The following FBXO25 variants were observed in gnomAD, a reference collection of about 807,000 sequenced individuals.
The protein encoded by FBXO25 is F-box protein 25, also known as F-box only protein 25.
FBXO25 carries 45 observed loss-of-function variants against 51.9 expected under a neutral mutation model. The observed-to-expected ratio is 0.87, with a 90% CI of 0.68 to 1.11. The LOEUF (loss-of-function observed/expected upper bound fraction) is 1.11, where lower values mean the gene tolerates loss of function less well. Ranked by LOEUF, FBXO25 falls within the 50% of genes most tolerant of loss-of-function variation. The pLI is 0.00. For missense variants in FBXO25, 507 were observed against 428.5 expected (o/e 1.18, Z -1.62); for synonymous variants, 199 against 151.0 (o/e 1.32, Z -2.33).
At chr8:422,616 C>T (rs1231060876) in intron 2 of FBXO25, among the ~76,000 whole-genome samples, 2 of 152,176 alleles carry the variant, frequency 1.3e-5, no homozygotes, top group Admixed American at 1.3e-4. Context: ...AACTTGGGGA[C>T]ACTGTGTGTT....
intron 5 of FBXO25, among the ~76,000 whole-genome samples, chr8:440,156 C>G (rs1798339274): frequency 6.6e-6 from 1 of 152,166 alleles, no homozygotes; most frequent in Non-Finnish European, 1.5e-5. Context: ...GGAATTCTGT[C>G]TCTTTCTTAT....
chr8:441,234 T>C (rs141789574), intron 5 of FBXO25, among the ~76,000 whole-genome samples: 383 of 152,316 alleles, frequency 2.5e-3, no homozygotes, highest in African/African-American at 8.9e-3. Flanking sequence ...CATCTGATCT[T>C]TCACAAACCT....
At chr8:431,259 G>C (rs975546361) in intron 2 of FBXO25, 82 bp from the exon 3 acceptor site, 1 of 702,678 alleles carries the variant, frequency 1.4e-6, no homozygotes, top group Non-Finnish European at 2.4e-6. Flanking sequence ...TCACTTTGAA[G>C]TATTTATATC....
rs1306292789 is a variant in FBXO25, at chr8:473,581, G to C, written c.*4777G>C. The C allele has an allele frequency of 1.3e-5, 2 of 152,140 alleles. No individual in the cohort carries two copies. Among genetic ancestry groups the C allele is most frequent in the Non-Finnish European group, 2.9e-5 (2 of 68,072 alleles). 9.4% of individuals were successfully genotyped at this position (152,140 alleles called of 1,614,324 possible). On this transcript the variant is annotated 3_prime_UTR_variant, in exon 10 of 10. Coordinates refer to ENST00000350302, the MANE Select transcript of FBXO25 (RefSeq NM_183420.2). ...GTCCTCTTCCTTCCAATCCTCACTG[G>C]CTCAAATCCACAGAGTGACAAAGAA...
intron 2 of FBXO25, chr8:420,265 A>G (rs537326327): frequency 2.6e-5 from 4 of 152,362 alleles, no homozygotes; most frequent in Admixed American, 6.5e-5. Flanking sequence ...CTAAGATGAA[A>G]GAACAATCAC....
chr8:459,803 T>G (rs908100281), intron 8 of FBXO25, among the ~76,000 whole-genome samples: 1 of 151,850 alleles, frequency 6.6e-6, no homozygotes, highest in Non-Finnish European at 1.5e-5. Context: ...AACCCCAATG[T>G]TGAGGGATAG....
intron 5 of FBXO25, among the ~76,000 whole-genome samples, chr8:442,611 A>G (rs1398643030): frequency 6.6e-6 from 1 of 152,092 alleles, no homozygotes; most frequent in Non-Finnish European, 1.5e-5. Context: ...CTGGGATTTC[A>G]GGCACCTGCC....
rs1002957698 is a variant in FBXO25 at position 471,800 on chromosome 8, C to T, written c.*2996C>T. On this transcript the variant is annotated 3_prime_UTR_variant, in exon 10 of 10. Coordinates refer to ENST00000350302, the MANE Select transcript of FBXO25 (RefSeq NM_183420.2). The stretch of plus-strand genomic sequence containing the variant: ...ACCGATTTGTAGCTGTCGTGGTTTA[C>T]TGCATGACGTACAGGCTCTCTGTAT... 8.5e-5 allele frequency: 13 copies of T among 152,232 alleles called. No homozygotes were observed. The highest frequency in any genetic ancestry group is 3.1e-4 in the African/African-American group (13 of 41,458). 9.4% of individuals were successfully genotyped at this position (152,232 alleles called of 1,614,324 possible).
At chr8:435,439 A>T in intron 4 of FBXO25, 176 bp from the exon 5 acceptor site, 1 of 811,552 alleles carries the variant, frequency 1.2e-6, no homozygotes, top group South Asian at 2.0e-5. Context: ...TAAACAGCTT[A>T]AATTATTAGC....
At chr8:464,569 C>A (rs1563100179) in intron 9 of FBXO25, among the ~76,000 whole-genome samples, 1 of 152,134 alleles carries the variant, frequency 6.6e-6, no homozygotes. Flanking sequence ...TTTGTGATTA[C>A]TTTTTTTGCT....
At chr8:458,318 A>G (rs1799585973) in intron 7 of FBXO25, 51 bp from the exon 8 acceptor site, 1 of 1,580,292 alleles carries the variant, frequency 6.3e-7, no homozygotes, top group East Asian at 2.2e-5. Context: ...TTACTGTGTG[A>G]ACAAACATTG....
At chr8:462,361 C>G (rs900707397) in intron 8 of FBXO25, among the ~76,000 whole-genome samples, 2 of 152,080 alleles carry the variant, frequency 1.3e-5, no homozygotes, top group African/African-American at 4.8e-5. Flanking sequence ...TGTAAGTGTT[C>G]TTTATCTATT....
At position 468,074 on chromosome 8, in the gene FBXO25, C is replaced by A. The variant is rs1800301991; in HGVS notation, c.988-641C>A. ...AGATCCAGCACTGACCCCAGAGCCT[C>A]TGGTCCCGTTTACCTGCGTTCCTCC... is the stretch of plus-strand genomic sequence containing the variant. On this transcript the variant is annotated intron_variant, in intron 9 of 9. Coordinates refer to ENST00000350302, the MANE Select transcript of FBXO25 (RefSeq NM_183420.2). 1.7e-5 allele frequency: 19 copies of A among 1,130,314 alleles called. No homozygotes were observed. The South Asian group carries it at 6.0e-4, about 36-fold the overall frequency. 70.0% of individuals were successfully genotyped at this position (1,130,314 alleles called of 1,614,324 possible). A position where few individuals can be genotyped will look rare whatever the true frequency, so the allele number is the denominator to read the frequency against.
chr8:443,355 T>G (rs1046110023), intron 5 of FBXO25, among the ~76,000 whole-genome samples: 1 of 150,680 alleles, frequency 6.6e-6, no homozygotes, highest in Non-Finnish European at 1.5e-5. Flanking sequence ...CTCACCATAT[T>G]TATCCTACCA....
rs1182403417 is a variant in FBXO25, at chr8:470,195, G to A, written c.*1391G>A. ...GGCTTTTTCATCACAACATATTGGG[G>A]TTCCTGAGTGTCTCGCCGTTAGCAT... On this transcript the variant is annotated 3_prime_UTR_variant, in exon 10 of 10. Coordinates refer to ENST00000350302, the MANE Select transcript of FBXO25 (RefSeq NM_183420.2). 6.6e-6 allele frequency: 1 copy of A among 152,068 alleles called. No individual in the cohort carries two copies. Among genetic ancestry groups the A allele is most frequent in the Non-Finnish European group, 1.5e-5 (1 of 68,024 alleles). 9.4% of individuals were successfully genotyped at this position (152,068 alleles called of 1,614,324 possible).
chr8:463,825 C>CT (rs1325399931), intron 9 of FBXO25, among the ~76,000 whole-genome samples: 1 of 151,968 alleles, frequency 6.6e-6, no homozygotes, highest in African/African-American at 2.4e-5. Flanking sequence ...TGTCTTTTTT[C>CT]TTTTTTGAAA....
rs1800604922 is a variant in FBXO25 at position 475,177 on chromosome 8, C to T, written c.*6373C>T. On this transcript the variant is annotated 3_prime_UTR_variant, in exon 10 of 10. Transcript: ENST00000350302. ...TAGCTTCATGTGGATGTCCACTTGT[C>T]TAGCACCATTTGTTGAAAAGACTGT... 1 of 334,672 alleles carries T rather than the reference C, an allele frequency of 3.0e-6. No homozygotes were observed. The highest frequency in any genetic ancestry group is 2.2e-5 in the African/African-American group (1 of 45,862). 20.7% of individuals were successfully genotyped at this position (334,672 alleles called of 1,614,324 possible).
In FBXO25 at chr8:475,559, G is replaced by A. The variant is rs1037432243; in HGVS notation, c.*6755G>A. Reference sequence around the variant, plus strand: ...GTATCCAATCCATAAACACGGGATTGCTTTCTATTTATTTGTGTTGACCTT... The same window carrying A: ...GTATCCAATCCATAAACACGGGATTACTTTCTATTTATTTGTGTTGACCTT... On this transcript the variant is annotated 3_prime_UTR_variant, in exon 10 of 10. Transcript: ENST00000350302. 1 of 152,130 alleles carries A rather than the reference G, an allele frequency of 6.6e-6. No individual in the cohort carries two copies. Among genetic ancestry groups the A allele is most frequent in the Non-Finnish European group, 1.5e-5 (1 of 68,030 alleles). The allele number at this position is 152,130 out of a possible 1,614,324, so 9.4% of individuals were successfully genotyped here. A position where few individuals can be genotyped will look rare whatever the true frequency, so the allele number is the denominator to read the frequency against.
At chr8:418,647 T>A (rs941336015) in intron 2 of FBXO25, among the ~76,000 whole-genome samples, 1 of 152,170 alleles carries the variant, frequency 6.6e-6, no homozygotes, top group Non-Finnish European at 1.5e-5. Flanking sequence ...GCTTGTTTCT[T>A]TATTAAGTAA....
Sources: gnomAD v4.1 joint callset for allele counts (sites outside exome capture counted in the v4.1 genomes callset) on GRCh38, gnomAD v4.1.1 for gene constraint, MANE v1.5 for transcripts, NCBI Gene and HGNC (gene_info 2026-07-23, HGNC 2026-07-21) for gene names.